MAN2A1: variants seen among roughly 807,000 people sequenced by gnomAD.
The protein encoded by MAN2A1 is alpha-mannosidase 2.
A neutral mutation model predicts 142.6 loss-of-function variants in MAN2A1; 76 were observed. That is an observed-to-expected ratio of 0.53 (90% confidence interval 0.44 to 0.65). The LOEUF (loss-of-function observed/expected upper bound fraction) is 0.65. Among genes scored for constraint, MAN2A1 ranks in the 30% least tolerant of loss-of-function variants. The pLI, the probability that MAN2A1 is intolerant of heterozygous loss-of-function variation, is 0.00. For synonymous variants in MAN2A1, 559 were observed against 473.2 expected (o/e 1.18, Z -2.35); for missense variants, 1,311 against 1,365.1 (o/e 0.96, Z 0.62).
In MAN2A1 at chr5:109,800,546, A is replaced by C. The variant is rs527242832; in HGVS notation, c.1943+11019A>C. ...GACGTGCATTTCAGCTTTGTTTATC[A>C]TGTGAACAAATATTTTAAAAGACTT... On this transcript the variant is annotated intron_variant, in intron 12 of 21. Coordinates refer to ENST00000261483, the MANE Select transcript of MAN2A1 (RefSeq NM_002372.4). 2.0e-5 allele frequency among the ~76,000 whole-genome samples: 3 copies of C among 152,338 alleles called. No individual in the cohort carries two copies. The East Asian group carries it at 5.8e-4, about 29-fold the overall frequency.
intron 4 of MAN2A1, among the ~76,000 whole-genome samples, chr5:109,748,401 CTTTTT>C (rs11343270): frequency 7.5e-6 from 1 of 133,824 alleles, no homozygotes. Flanking sequence ...TATCTTTTGC[CTTTTT>C]TTTTTTTTTG....
intron 20 of MAN2A1, among the ~76,000 whole-genome samples, chr5:109,858,715 A>G (rs185713954): frequency 6.6e-6 from 1 of 152,378 alleles, no homozygotes; most frequent in East Asian, 1.9e-4. Flanking sequence ...CCTTAGCATG[A>G]TAAGGACGCA....
chr5:109,736,472 A>T (rs1201156504), intron 4 of MAN2A1, among the ~76,000 whole-genome samples: 1 of 152,116 alleles, frequency 6.6e-6, no homozygotes, highest in Admixed American at 6.6e-5. Flanking sequence ...AGCTGTGATC[A>T]TGCCCCTGCA....
rs201972112 is a variant in MAN2A1 at position 109,819,692 on chromosome 5, G to A, written c.2133G>A (p.Pro711=). The change falls in exon 14 of 22, where the codon CCG becomes CCA. Residue 711 remains proline, a synonymous_variant. Transcript: ENST00000261483. ...AGATCTCTTTTCGAGCACATATACC[G>A]CCATTGGGACTGAAAGTGTATAAGA... ...AYEISFRAHI[P]PLGLKVYKIL... 5.5e-5 allele frequency: 88 copies of A among 1,602,744 alleles called. No homozygotes were observed. Among genetic ancestry groups the A allele is most frequent in the Non-Finnish European group, 7.1e-5 (83 of 1,174,986 alleles).
At chr5:109,758,295 A>G (rs1214225161) in intron 5 of MAN2A1, among the ~76,000 whole-genome samples, 1 of 152,080 alleles carries the variant, frequency 6.6e-6, no homozygotes, top group African/African-American at 2.4e-5. Context: ...GAATCTTTTC[A>G]TGTGTATATC....
At chr5:109,847,878 A>T (rs1346881517) in intron 19 of MAN2A1, 88 bp downstream of exon 19, 10 of 1,034,008 alleles carry the variant, frequency 9.7e-6, no homozygotes, top group Non-Finnish European at 1.3e-5. Context: ...TTAAAATTTT[A>T]AAAATCATTT....
rs1293213572 is a variant in MAN2A1 at position 109,779,584 on chromosome 5, A to ACACACACAC, written c.1375-1812_1375-1811insCACACACAC. ...ACGCGTGCACACACACACACACACA[A>ACACACACAC]ACACACACAGTCTTCTTCCTAGTAA... is the stretch of plus-strand genomic sequence containing the variant. On this transcript the variant is annotated intron_variant, in intron 8 of 21. Transcript: ENST00000261483. 7.7e-3 allele frequency among the ~76,000 whole-genome samples: 389 copies of ACACACACAC among 50,456 alleles called. 2 individuals are homozygous for ACACACACAC. The highest frequency in any genetic ancestry group is 0.024 in the African/African-American group (369 of 15,176). 33.1% of individuals were successfully genotyped at this position (50,456 alleles called of 152,430 possible).
At chr5:109,859,894 ATTATT>A (rs1487994489) in intron 20 of MAN2A1, among the ~76,000 whole-genome samples, 2 of 145,562 alleles carry the variant, frequency 1.4e-5, no homozygotes, top group Non-Finnish European at 3.0e-5. Context: ...TTTTTTTTAG[ATTATT>A]TCCACAGCTT....
chr5:109,821,415 G>C (rs1754619588), intron 15 of MAN2A1, among the ~76,000 whole-genome samples: 1 of 152,100 alleles, frequency 6.6e-6, no homozygotes, highest in South Asian at 2.1e-4. Flanking sequence ...ATGCAATTCT[G>C]ATTAATTGCT....
At chr5:109,732,702 G>A (rs1436182925) in intron 4 of MAN2A1, among the ~76,000 whole-genome samples, 1 of 152,104 alleles carries the variant, frequency 6.6e-6, no homozygotes, top group Non-Finnish European at 1.5e-5. Flanking sequence ...TGAGGGCTGT[G>A]TTCTGTTCCA....
At chr5:109,721,177 A>G (rs1751593568) in intron 3 of MAN2A1, among the ~76,000 whole-genome samples, 1 of 152,202 alleles carries the variant, frequency 6.6e-6, no homozygotes, top group Non-Finnish European at 1.5e-5. Context: ...TAATTTAATT[A>G]TAAATTCTCA....
chr5:109,757,913 GAT>G (rs1312752271), intron 5 of MAN2A1, among the ~76,000 whole-genome samples: 1 of 152,070 alleles, frequency 6.6e-6, no homozygotes, highest in Non-Finnish European at 1.5e-5. Context: ...CTGTTGTATG[GAT>G]ATACCAGATT....
intron 8 of MAN2A1, among the ~76,000 whole-genome samples, chr5:109,781,027 C>G (rs1293863815): frequency 6.6e-6 from 1 of 152,078 alleles, no homozygotes; most frequent in Non-Finnish European, 1.5e-5. Context: ...TTTAATATGT[C>G]TTTTATTTTT....
intron 10 of MAN2A1, among the ~76,000 whole-genome samples, chr5:109,785,902 G>T (rs1161290447): frequency 1.3e-5 from 2 of 152,036 alleles, no homozygotes; most frequent in Non-Finnish European, 2.9e-5. Flanking sequence ...ACTACTCCTT[G>T]ATGAGAAAAG....
chr5:109,722,911 C>A (rs1751645071), intron 3 of MAN2A1, among the ~76,000 whole-genome samples: 1 of 152,094 alleles, frequency 6.6e-6, no homozygotes, highest in Non-Finnish European at 1.5e-5. Flanking sequence ...TTGGGGAAGA[C>A]TTACTATGCC....
chr5:109,784,729 C>A lies in MAN2A1; in HGVS notation c.1578-15C>A. ...TGTTTGTTTTAAAATAAAAATATGA[C>A]TTTTATGCAATTAGGGCTGCTGAAA... On this transcript the variant is annotated splice_polypyrimidine_tract_variant and intron_variant, in intron 9 of 21. Transcript: ENST00000261483. 1 of 1,542,370 alleles carries A rather than the reference C, an allele frequency of 6.5e-7. No individual in the cohort carries two copies. The highest frequency in any genetic ancestry group is 8.7e-7 in the Non-Finnish European group (1 of 1,147,398).
intron 12 of MAN2A1, among the ~76,000 whole-genome samples, chr5:109,815,769 G>A (rs975983657): frequency 6.6e-6 from 1 of 152,096 alleles, no homozygotes; most frequent in South Asian, 2.1e-4. Flanking sequence ...CACATATACA[G>A]GATGGAAGAA....
intron 4 of MAN2A1, among the ~76,000 whole-genome samples, chr5:109,753,215 G>T (rs1401871395): frequency 1.3e-5 from 2 of 152,154 alleles, no homozygotes; most frequent in African/African-American, 4.8e-5. Context: ...GACATCTCAG[G>T]CTGCGAAGCA....
chr5:109,728,796 A>G (rs1054314591), intron 3 of MAN2A1, among the ~76,000 whole-genome samples: 7 of 152,202 alleles, frequency 4.6e-5, no homozygotes, highest in African/African-American at 1.2e-4. Context: ...GCAGAATTCT[A>G]CCTCTCAGTG....
Sources: gnomAD v4.1 joint callset for allele counts (sites outside exome capture counted in the v4.1 genomes callset) on GRCh38, gnomAD v4.1.1 for gene constraint, MANE v1.5 for transcripts, NCBI Gene and HGNC (gene_info 2026-07-23, HGNC 2026-07-21) for gene names.